SCTR: variants seen among roughly 807,000 people sequenced by gnomAD.
SCTR encodes pancreatic secretin receptor.
SCTR carries 56 observed loss-of-function variants against 60.8 expected under a neutral mutation model. The ratio of observed to expected loss-of-function variants is 0.92; its 90% CI spans 0.74 to 1.15. The LOEUF is 1.15. Ranked by LOEUF, SCTR falls within the 50% of genes most tolerant of loss-of-function variation. The probability of loss-of-function intolerance (pLI) is 0.00; values close to 1 mark genes in which losing one functional copy is unlikely to be tolerated. For missense variants in SCTR, 562 were observed against 550.4 expected (o/e 1.02, Z -0.21); for synonymous variants, 202 against 217.0 (o/e 0.93, Z 0.61).
intron 1 of SCTR, among the ~76,000 whole-genome samples, chr2:119,506,601 T>A (rs904494669): frequency 1.3e-5 from 2 of 152,070 alleles, no homozygotes; most frequent in African/African-American, 4.8e-5. Context: ...CTGCCTTAGC[T>A]TCCTGCACAG....
At position 119,446,835 on chromosome 2, in the gene SCTR, T is replaced by C. The variant is rs1682949643; in HGVS notation, c.1064A>G (p.Tyr355Cys). Residue 355 changes from tyrosine (Y) to cysteine (C), a missense_variant, in exon 11 of 13, where the codon TAC becomes TGC. Coordinates refer to ENST00000019103, the MANE Select transcript of SCTR (RefSeq NM_002980.3). ...CTCTGGGGAGAAGGCGAAGACGATG[T>C]AGTGGATGCCAAAGAGGGGGATCAG... ...LLLIPLFGIH[Y>C]IVFAFSPEDA... The C allele has an allele frequency of 6.3e-7, 1 of 1,582,996 alleles. No individual in the cohort carries two copies. The highest frequency in any genetic ancestry group is 8.6e-7 in the Non-Finnish European group (1 of 1,163,868).
intron 1 of SCTR, among the ~76,000 whole-genome samples, chr2:119,522,106 C>T (rs1358531095): frequency 6.6e-6 from 1 of 152,086 alleles, no homozygotes; most frequent in Non-Finnish European, 1.5e-5. Context: ...ACCAGCCTGA[C>T]CAACATGGAG....
At chr2:119,523,278 C>G (rs539018086) in intron 1 of SCTR, among the ~76,000 whole-genome samples, 101 of 151,922 alleles carry the variant, frequency 6.6e-4, no homozygotes, top group Non-Finnish European at 2.1e-4. Context: ...CCATTCCTTC[C>G]TTTCTGCTGG....
chr2:119,522,499 G>A (rs1358565743), intron 1 of SCTR, among the ~76,000 whole-genome samples: 4 of 152,080 alleles, frequency 2.6e-5, no homozygotes, highest in Non-Finnish European at 5.9e-5. Flanking sequence ...GTCTCAGTGT[G>A]CTCATTTTTA....
chr2:119,468,007 C>A (rs186439470), intron 4 of SCTR, among the ~76,000 whole-genome samples: 88 of 152,098 alleles, frequency 5.8e-4, no homozygotes, highest in Non-Finnish European at 1.1e-3. Context: ...GATTGAATAT[C>A]AACACAAAAA....
chr2:119,514,181 G>A (rs779395416), intron 1 of SCTR, among the ~76,000 whole-genome samples: 1 of 152,168 alleles, frequency 6.6e-6, no homozygotes, highest in Non-Finnish European at 1.5e-5. Flanking sequence ...TGAGGTGTCT[G>A]CTTAGCCCCT....
intron 2 of SCTR, chr2:119,479,831 C>T (rs1178743833): frequency 1.3e-5 from 2 of 152,186 alleles, no homozygotes; most frequent in Non-Finnish European, 2.9e-5. Flanking sequence ...TTTGATTTGG[C>T]TGCTAGGAAG....
intron 1 of SCTR, 64 bp downstream of exon 1, chr2:119,524,091 C>A: frequency 7.5e-7 from 1 of 1,339,082 alleles, no homozygotes; most frequent in Non-Finnish European, 1.0e-6. Context: ...CTGCCCGAGG[C>A]CGGAGAAAGG....
chr2:119,474,795 A>G (rs897132925), intron 3 of SCTR, among the ~76,000 whole-genome samples: 1 of 152,082 alleles, frequency 6.6e-6, no homozygotes, highest in African/African-American at 2.4e-5. Flanking sequence ...TCACTGTTCT[A>G]CCCACCCACC....
intron 1 of SCTR, among the ~76,000 whole-genome samples, chr2:119,510,083 C>T (rs908344064): frequency 6.6e-6 from 1 of 151,986 alleles, no homozygotes. Context: ...TTGCTGCACC[C>T]ATCAACCTGT....
chr2:119,468,003 A>C (rs1683909360), intron 4 of SCTR, among the ~76,000 whole-genome samples: 1 of 125,576 alleles, frequency 8.0e-6, no homozygotes, highest in Admixed American at 7.9e-5. Context: ...AAATGATTGA[A>C]TATCAACACA....
chr2:119,441,813 T>C (rs1682667717), intron 11 of SCTR: 6 of 554,858 alleles, frequency 1.1e-5, no homozygotes, highest in South Asian at 9.8e-5. Context: ...GTGAACTCCT[T>C]GCAGCCAAGG....
Position 119,468,921 on chromosome 2 carries a change from C to T in SCTR, c.406-3035G>A, listed in dbSNP as rs577873913. ...AACATGTAGAAGAAGGGCCAGACCT[C>T]ATGTGTGAGCTCCAGTTGGGGGAAG... On this transcript the variant is annotated intron_variant, in intron 4 of 12. Transcript: ENST00000019103. Among the ~76,000 whole-genome samples the T allele has an allele frequency of 2.6e-5, 4 of 152,244 alleles. No homozygotes were observed. The East Asian group carries it at 7.7e-4, about 29-fold the overall frequency.
In SCTR at chr2:119,464,086, G is replaced by A. The variant is rs200620540; in HGVS notation, c.636+37C>T. The A allele has an allele frequency of 7.4e-5, 119 of 1,611,518 alleles. 1 individual carries two copies. Among genetic ancestry groups the A allele is most frequent in the Admixed American group, 8.3e-5 (5 of 60,006 alleles). ...CAAAGCTAGGCTGGGGAAGGCAGGC[G>A]GGCCTGGCGACATCCTGGGGCACCC... On this transcript the variant is annotated intron_variant, in intron 6 of 12. Coordinates refer to ENST00000019103, the MANE Select transcript of SCTR (RefSeq NM_002980.3).
chr2:119,468,674 A>C (rs749566062), intron 4 of SCTR, among the ~76,000 whole-genome samples: 4 of 152,200 alleles, frequency 2.6e-5, no homozygotes, highest in Admixed American at 6.5e-5. Context: ...ATGGCTCAAA[A>C]ATTAGCTTTA....
intron 7 of SCTR, among the ~76,000 whole-genome samples, chr2:119,457,804 T>C (rs777420189): frequency 1.8e-4 from 27 of 152,188 alleles, no homozygotes; most frequent in Non-Finnish European, 2.4e-4. Context: ...AATAGTAGTG[T>C]ATTGATTTTA....
intron 2 of SCTR, among the ~76,000 whole-genome samples, chr2:119,481,720 C>A (rs1315499039): frequency 1.3e-5 from 2 of 152,236 alleles, no homozygotes; most frequent in Admixed American, 6.5e-5. Context: ...CAGGAGAGCA[C>A]GCCCCTGTGC....
At chr2:119,440,332 G>T in intron 12 of SCTR, 75 bp from the exon 13 acceptor site, 2 of 1,525,588 alleles carry the variant, frequency 1.3e-6, no homozygotes, top group South Asian at 2.5e-5. Flanking sequence ...CTCCCCCAGT[G>T]ACTCCACGCA....
intron 2 of SCTR, chr2:119,480,558 A>G (rs1354254145): frequency 6.6e-6 from 1 of 152,252 alleles, no homozygotes; most frequent in Non-Finnish European, 1.5e-5. Flanking sequence ...TTTGAATGCT[A>G]TGAACCAGTG....
Sources: allele counts gnomAD v4.1 joint callset (sites outside exome capture counted in the v4.1 genomes callset), GRCh38; gene constraint gnomAD v4.1.1; transcripts MANE v1.5; gene names NCBI Gene and HGNC (gene_info 2026-07-23, HGNC 2026-07-21).